PRDM1: variants seen among roughly 807,000 people sequenced by gnomAD.
The protein encoded by PRDM1 is PR domain zinc finger protein 1.
A neutral mutation model predicts 62.8 loss-of-function variants in PRDM1; 13 were observed. That is an observed-to-expected ratio of 0.21 (90% CI 0.13 to 0.33). The LOEUF (loss-of-function observed/expected upper bound fraction) is 0.33. Among genes scored for constraint, PRDM1 ranks in the 10% least tolerant of loss-of-function variants. The pLI, the probability that PRDM1 is intolerant of heterozygous loss-of-function variation, is 1.00. For missense variants in PRDM1, 895 were observed against 1,058.8 expected (o/e 0.85, Z 2.15); for synonymous variants, 396 against 417.6 (o/e 0.95, Z 0.63).
rs780897887 is a variant in PRDM1 at position 106,105,548 on chromosome 6, C to T, written c.1388C>T (p.Pro463Leu). 31 of 1,612,640 alleles carry T rather than the reference C, an allele frequency of 1.9e-5. No individual in the cohort carries two copies. Among genetic ancestry groups the T allele is most frequent in the Non-Finnish European group, 2.4e-5 (28 of 1,179,080 alleles). ...AGCCTGCCCCACCCCATGCTCAACC[C>T]CACTTCTCTCCCGAGCTCGCTGCCC... ...GGSLPHPMLNPTSLPSSLPSD... is the reference protein window; with the variant it reads ...GGSLPHPMLNLTSLPSSLPSD... The change falls in exon 5 of 7, where the codon CCC becomes CTC. Residue 463 changes from proline to leucine, a missense_variant. Pro to Leu is a moderately conservative substitution (Grantham distance 98). Coordinates refer to ENST00000369096, the MANE Select transcript of PRDM1 (RefSeq NM_001198.4).
intron 1 of PRDM1, among the ~76,000 whole-genome samples, chr6:106,038,625 A>G (rs1772953102): frequency 1.3e-5 from 2 of 152,088 alleles, no homozygotes; most frequent in African/African-American, 2.4e-5. Flanking sequence ...CTATGTCTAC[A>G]CTCCATGATC....
At chr6:106,047,026 A>G (rs1192778646), upstream of PRDM1, among the ~76,000 whole-genome samples, 1 of 152,232 alleles carries the variant, frequency 6.6e-6, no homozygotes, top group Non-Finnish European at 1.5e-5. Flanking sequence ...AGCAAGACTC[A>G]CTTAAGAGAT....
At chr6:106,005,797 C>A (rs1288765137) in intron 1 of PRDM1, among the ~76,000 whole-genome samples, 1 of 152,118 alleles carries the variant, frequency 6.6e-6, no homozygotes, top group Non-Finnish European at 1.5e-5. Flanking sequence ...AAAATACATG[C>A]AGTTCATGGG....
At chr6:106,008,747 C>A (rs1772510003) in intron 1 of PRDM1, among the ~76,000 whole-genome samples, 2 of 152,158 alleles carry the variant, frequency 1.3e-5, no homozygotes, top group Non-Finnish European at 1.5e-5. Flanking sequence ...GCTCTTTATC[C>A]CCGTTTCTCC....
chr6:106,067,094 C>T (rs1412577925), intron 1 of PRDM1, among the ~76,000 whole-genome samples: 6 of 152,194 alleles, frequency 3.9e-5, no homozygotes, highest in Admixed American at 1.3e-4. Context: ...GAGCCAAGAT[C>T]TTAACCCAGG....
chr6:106,071,368 G>A (rs1773513602), intron 1 of PRDM1, among the ~76,000 whole-genome samples: 1 of 151,954 alleles, frequency 6.6e-6, no homozygotes, highest in Non-Finnish European at 1.5e-5. Flanking sequence ...GTATGTATAT[G>A]TAAGTCACGT....
chr6:106,056,395 T>C (rs1016279527), intron 1 of PRDM1, among the ~76,000 whole-genome samples: 4 of 152,174 alleles, frequency 2.6e-5, no homozygotes, highest in Admixed American at 6.5e-5. Flanking sequence ...ATGTAATTAG[T>C]AGGAATATTA....
chr6:106,014,457 A>T (rs1486754399), intron 1 of PRDM1, among the ~76,000 whole-genome samples: 1 of 147,710 alleles, frequency 6.8e-6, no homozygotes, highest in Non-Finnish European at 1.5e-5. Context: ...AAAAAACTTG[A>T]ATAAAAAGTA....
At chr6:105,996,863 G>A (rs1359048906) in intron 1 of PRDM1, among the ~76,000 whole-genome samples, 7 of 152,262 alleles carry the variant, frequency 4.6e-5, no homozygotes, top group East Asian at 1.9e-4. Context: ...TGTGATTTCC[G>A]CCAAATTGAC....
chr6:106,007,940 G>A (rs1282351722), intron 1 of PRDM1, among the ~76,000 whole-genome samples: 2 of 152,136 alleles, frequency 1.3e-5, no homozygotes, highest in African/African-American at 2.4e-5. Context: ...CTGTGCATTC[G>A]CTCAATGTTT....
upstream of PRDM1, among the ~76,000 whole-genome samples, chr6:105,992,751 T>G (rs952007838): frequency 1.3e-5 from 2 of 152,194 alleles, no homozygotes; most frequent in Non-Finnish European, 2.9e-5. Flanking sequence ...CTCCCTCCAC[T>G]TCAGGTCCCC....
intron 1 of PRDM1, among the ~76,000 whole-genome samples, chr6:106,050,113 G>C (rs1582439143): frequency 6.6e-6 from 1 of 152,076 alleles, no homozygotes; most frequent in African/African-American, 2.4e-5. Flanking sequence ...CATCTTACTG[G>C]GCCTCTGCTT....
At chr6:106,034,176 C>T (rs1305982839) in intron 1 of PRDM1, among the ~76,000 whole-genome samples, 3 of 151,706 alleles carry the variant, frequency 2.0e-5, no homozygotes, top group Non-Finnish European at 4.4e-5. Context: ...AAGATTTGCC[C>T]CTTTTTTGGT....
Position 106,073,105 on chromosome 6 carries a change from CTT to C in PRDM1, c.-66-15080_-66-15079del, listed in dbSNP as rs202236727. 6.0e-4 allele frequency among the ~76,000 whole-genome samples: 83 copies of C among 137,618 alleles called. No individual in the cohort carries two copies. In the South Asian group the frequency reaches 0.012, roughly 19 times the overall value. 90.3% of individuals were successfully genotyped at this position (137,618 alleles called of 152,430 possible). Reference sequence around the variant, plus strand: ...AGAGTATCTCTCAATTTCCTCTTTTCTTTTTTTTTTTTTTTTTGTTTGTTTTT... The same window carrying C: ...AGAGTATCTCTCAATTTCCTCTTTTCTTTTTTTTTTTTTTTGTTTGTTTTT... On this transcript the variant is annotated intron_variant, in intron 1 of 6. Transcript: ENST00000651185.
chr6:106,030,998 T>C (rs772052191), intron 1 of PRDM1, among the ~76,000 whole-genome samples: 18 of 2,350 alleles, frequency 7.7e-3, no homozygotes, highest in Non-Finnish European at 0.011. Context: ...TATTCTCTCT[T>C]TTTTTTTTTT....
At chr6:106,026,921 C>T (rs1033926719) in intron 1 of PRDM1, among the ~76,000 whole-genome samples, 2 of 152,164 alleles carry the variant, frequency 1.3e-5, no homozygotes, top group African/African-American at 4.8e-5. Flanking sequence ...CAGTAAGTTT[C>T]AGCAAATGGG....
At chr6:106,042,664 C>CA (rs1352763376) in intron 1 of PRDM1, among the ~76,000 whole-genome samples, 1 of 152,096 alleles carries the variant, frequency 6.6e-6, no homozygotes, top group Non-Finnish European at 1.5e-5. Flanking sequence ...CTTCTGGAGA[C>CA]AAATTCTTCT....
chr6:106,105,509 T>G lies in PRDM1; in HGVS notation c.1349T>G (p.Leu450Arg). 1 of 1,613,864 alleles carries G rather than the reference T, an allele frequency of 6.2e-7. No individual in the cohort carries two copies. The highest frequency in any genetic ancestry group is 8.5e-7 in the Non-Finnish European group (1 of 1,179,946). The change falls in exon 5 of 7, where the codon CTC becomes CGC. Residue 450 changes from leucine to arginine, a missense_variant. Leu to Arg is a moderately radical substitution (Grantham distance 102, BLOSUM62 -2). Around this residue, in one of 4 missense-constraint regions of PRDM1, gnomAD observed 444 missense variants for 422.7 expected, o/e 1.05. Coordinates refer to ENST00000369096, the MANE Select transcript of PRDM1 (RefSeq NM_001198.4). ...FPRLCPVYSN[L>R]LGGGSLPHPM... ...AGGCTGTGCCCTGTCTACAGCAATC[T>G]CCTCGGTGGGGGCAGCCTGCCCCAC...
At chr6:106,019,022 C>T in intron 1 of PRDM1, among the ~76,000 whole-genome samples, 1 of 151,984 alleles carries the variant, frequency 6.6e-6, no homozygotes, top group Admixed American at 6.6e-5. Context: ...GTAATCCCAG[C>T]ACTTAGACCG....
Sources: allele counts gnomAD v4.1 joint callset (sites outside exome capture counted in the v4.1 genomes callset), GRCh38; gene constraint gnomAD v4.1.1; regional missense constraint gnomAD v4.1.1; transcripts MANE v1.5; gene names NCBI Gene and HGNC (gene_info 2026-07-23, HGNC 2026-07-21).